The following GRIN2B variants were observed in gnomAD, a reference collection of about 807,000 sequenced individuals.
The protein encoded by GRIN2B is glutamate receptor ionotropic, NMDA 2B.
Under a neutral mutation model 114.5 loss-of-function variants are expected in GRIN2B, and 5 were observed. That is an observed-to-expected ratio of 0.04 (90% CI 0.02 to 0.09). GRIN2B has a LOEUF of 0.09. Ranked by LOEUF, GRIN2B falls within the 10% of genes least tolerant of loss-of-function variation. GRIN2B has a pLI of 1.00. For synonymous variants in GRIN2B, 787 were observed against 745.1 expected (o/e 1.06, Z -0.92); for missense variants, 1,108 against 1,943.5 (o/e 0.57, Z 8.08).
At chr12:13,953,549 T>C (rs1156796478) in intron 2 of GRIN2B, among the ~76,000 whole-genome samples, 6 of 152,194 alleles carry the variant, frequency 3.9e-5, no homozygotes, top group African/African-American at 4.8e-5. Flanking sequence ...CCGTGCCAAA[T>C]AGATTCTGGC....
chr12:13,687,809 G>C (rs1950184650), intron 4 of GRIN2B, among the ~76,000 whole-genome samples: 1 of 152,208 alleles, frequency 6.6e-6, no homozygotes, highest in African/African-American at 2.4e-5. Flanking sequence ...CTGTAGTTTA[G>C]CTTCATGTAC....
chr12:13,622,134 T>C (rs538065980), intron 5 of GRIN2B, among the ~76,000 whole-genome samples: 1 of 152,318 alleles, frequency 6.6e-6, no homozygotes, highest in South Asian at 2.1e-4. Flanking sequence ...TTTTTTAAGA[T>C]TCTGGAGCAA....
chr12:13,934,542 C>A (rs1867094004), intron 2 of GRIN2B, among the ~76,000 whole-genome samples: 1 of 152,192 alleles, frequency 6.6e-6, no homozygotes, highest in African/African-American at 2.4e-5. Context: ...CAGGTCTGTG[C>A]CCGCTATTCC....
intron 3 of GRIN2B, among the ~76,000 whole-genome samples, chr12:13,781,581 A>C (rs1864114424): frequency 1.3e-5 from 2 of 152,232 alleles, no homozygotes; most frequent in African/African-American, 4.8e-5. Context: ...AAAGAAATTT[A>C]AGCTGCTTAG....
chr12:13,686,656 G>C (rs908162110), intron 4 of GRIN2B, among the ~76,000 whole-genome samples: 1 of 152,054 alleles, frequency 6.6e-6, no homozygotes, highest in African/African-American at 2.4e-5. Context: ...TTTTAAAAAA[G>C]TAATTGGCGC....
rs201094029 is a variant in GRIN2B at position 13,866,157 on chromosome 12, C to T, written c.52G>A (p.Val18Ile). The T allele has an allele frequency of 8.4e-5, 136 of 1,612,580 alleles. 2 individuals carry two copies. In the East Asian group the frequency reaches 2.1e-3, roughly 24 times the overall value. The change falls in exon 3 of 14, where the codon GTC (valine) becomes ATC (isoleucine). Residue 18 changes from valine (V) to isoleucine (I), a missense_variant. By Grantham distance (29) the Val-to-Ile change is conservative. Around this residue, in one of 19 missense-constraint regions of GRIN2B, gnomAD observed 46 missense variants for 44.4 expected, o/e 1.04. Coordinates refer to ENST00000609686, the MANE Select transcript of GRIN2B (RefSeq NM_000834.5). ...CSPKFWLVLA[V>I]LAVSGSRARS... is the part of the protein sequence containing the mutation. ...GCTCTGCTGCCTGACACGGCCAGGA[C>T]GGCCAACACCAACCAGAACTTGGGA...
At position 13,750,580 on chromosome 12, in the gene GRIN2B, G is replaced by A. The variant is rs994756305; in HGVS notation, c.1010+2737C>T. Among the ~76,000 whole-genome samples, 7 of 152,292 alleles carry A rather than the reference G, an allele frequency of 4.6e-5. No homozygotes were observed. The South Asian group carries it at 1.4e-3, about 32-fold the overall frequency. On this transcript the variant is annotated intron_variant, in intron 4 of 13. Transcript: ENST00000609686. ...TCACTGTTAGCTTTGGTTGTAATTAGCAAACATTTGGGAAAATAATCTGAA... is the reference window on the plus strand; with the variant it reads ...TCACTGTTAGCTTTGGTTGTAATTAACAAACATTTGGGAAAATAATCTGAA...
rs10536664 is a variant in GRIN2B, at chr12:13,701,513, CAAA to C, written c.1011-25657_1011-25655del. Among the ~76,000 whole-genome samples the C allele has an allele frequency of 1.1e-3, 146 of 130,760 alleles. 1 individual carries two copies. The South Asian group carries it at 0.018, about 16-fold the overall frequency. The allele number at this position is 130,760 out of a possible 152,430, so 85.8% of individuals were successfully genotyped here. On this transcript the variant is annotated intron_variant, in intron 4 of 13. Transcript: ENST00000609686. ...GTGAAGCACTAGGGATTCAGTGGCA[CAAA>C]AAAAAAAAAAAAAGAAAAAAAAACA...
Position 13,866,095 on chromosome 12 carries a change from A to T in GRIN2B, c.114T>A (p.Ala38=), listed in dbSNP as rs1375282112. ...SQKSPPSIGI[A]VILVGTSDEV... ...CGTCGGAAGTGCCCACGAGGATGAC[A>T]GCAATGCCAATGCTGGGGGGGCTCT... Residue 38 remains alanine, a synonymous_variant, in exon 3 of 14, where the codon GCT becomes GCA. Coordinates refer to ENST00000609686, the MANE Select transcript of GRIN2B (RefSeq NM_000834.5). 1 of 1,613,942 alleles carries T rather than the reference A, an allele frequency of 6.2e-7. No homozygotes were observed. Among genetic ancestry groups the T allele is most frequent in the East Asian group, 2.2e-5 (1 of 44,846 alleles).
intron 2 of GRIN2B, among the ~76,000 whole-genome samples, chr12:13,904,009 T>C (rs908367783): frequency 6.6e-6 from 1 of 152,056 alleles, no homozygotes; most frequent in Non-Finnish European, 1.5e-5. Flanking sequence ...GACTAATATT[T>C]GCATGGCATC....
At chr12:13,945,528 T>C (rs1455215716) in intron 2 of GRIN2B, among the ~76,000 whole-genome samples, 1 of 152,182 alleles carries the variant, frequency 6.6e-6, no homozygotes, top group Non-Finnish European at 1.5e-5. Context: ...TAAGTTCCTG[T>C]GAATACAATG....
At chr12:13,723,136 T>C (rs1275935143) in intron 4 of GRIN2B, among the ~76,000 whole-genome samples, 1 of 149,946 alleles carries the variant, frequency 6.7e-6, no homozygotes, top group African/African-American at 2.4e-5. Context: ...TTACACCTTT[T>C]TTTTTTGTTT....
intron 3 of GRIN2B, among the ~76,000 whole-genome samples, chr12:13,781,378 C>A (rs1038347369): frequency 1.3e-5 from 2 of 152,050 alleles, no homozygotes; most frequent in African/African-American, 4.8e-5. Context: ...TTTGGGAAAC[C>A]CGGCTGTCAA....
In GRIN2B at chr12:13,540,172, CAATCT is replaced by C. The variant is rs1246034104; in HGVS notation, c.*22606_*22610del. 1 of 152,084 alleles carries C rather than the reference CAATCT, an allele frequency of 6.6e-6. No homozygotes were observed. The highest frequency in any genetic ancestry group is 1.5e-5 in the Non-Finnish European group (1 of 68,016). 9.4% of individuals were successfully genotyped at this position (152,084 alleles called of 1,614,324 possible). On this transcript the variant is annotated 3_prime_UTR_variant, in exon 14 of 14. Transcript: ENST00000609686. ...GGTTTTTCCCAAACAGCACTTTTAA[CAATCT>C]TTTTGGAATCACAGTAAAGAAAGCA...
At chr12:13,699,091 A>T (rs1405433571) in intron 4 of GRIN2B, among the ~76,000 whole-genome samples, 2 of 152,226 alleles carry the variant, frequency 1.3e-5, no homozygotes. Context: ...GATGACAACT[A>T]TATAAAAGTA....
At chr12:13,896,731 A>C (rs915264557) in intron 2 of GRIN2B, among the ~76,000 whole-genome samples, 1 of 152,184 alleles carries the variant, frequency 6.6e-6, no homozygotes, top group African/African-American at 2.4e-5. Flanking sequence ...GGGTATTTAA[A>C]CATGAAGAAT....
At chr12:13,940,342 C>T (rs544499604) in intron 2 of GRIN2B, among the ~76,000 whole-genome samples, 10 of 152,182 alleles carry the variant, frequency 6.6e-5, no homozygotes, top group African/African-American at 2.4e-4. Context: ...ACCTTCTCAC[C>T]TTTAAAGAAT....
chr12:13,632,453 A>G (rs1247806849), intron 5 of GRIN2B, among the ~76,000 whole-genome samples: 1 of 152,252 alleles, frequency 6.6e-6, no homozygotes, highest in African/African-American at 2.4e-5. Flanking sequence ...GTGTGACTTT[A>G]TGAGTAAAAG....
chr12:13,632,010 A>G (rs1949619126), intron 5 of GRIN2B, among the ~76,000 whole-genome samples: 1 of 152,214 alleles, frequency 6.6e-6, no homozygotes. Context: ...ACCACATGGT[A>G]GAATTAAATT....
Sources: allele counts gnomAD v4.1 joint callset (sites outside exome capture counted in the v4.1 genomes callset), GRCh38; gene constraint gnomAD v4.1.1; regional missense constraint gnomAD v4.1.1; transcripts MANE v1.5; gene names NCBI Gene and HGNC (gene_info 2026-07-23, HGNC 2026-07-21).